The following SLC47A1 variants were observed in gnomAD, a reference collection of about 807,000 sequenced individuals.
The protein encoded by SLC47A1 is solute carrier family 47 member 1.
Under a neutral mutation model 65.8 loss-of-function variants are expected in SLC47A1, and 58 were observed. The ratio of observed to expected loss-of-function variants is 0.88; its 90% CI spans 0.71 to 1.10. The LOEUF is 1.10. SLC47A1 is among the 50% of genes least tolerant of loss of function. The pLI is 0.00. For missense variants in SLC47A1, 706 were observed against 719.2 expected (o/e 0.98, Z 0.21); for synonymous variants, 285 against 295.0 (o/e 0.97, Z 0.35).
chr17:19,572,935 C>G, intron 16 of SLC47A1, 74 bp downstream of exon 16: 1 of 1,268,228 alleles, frequency 7.9e-7, no homozygotes, highest in Non-Finnish European at 1.2e-6. Flanking sequence ...TGAGACACAG[C>G]TAGATTTGCT....
Position 19,533,889 on chromosome 17 carries a change from G to A in SLC47A1, c.-51G>A. ...TGCGCGGTACTCACTGCCGGCCTCC[G>A]CGGTACCCACTGCCGGCCTCCGCGC... On this transcript the variant is annotated 5_prime_UTR_variant, in exon 1 of 17. Coordinates refer to ENST00000270570, the MANE Select transcript of SLC47A1 (RefSeq NM_018242.3). The A allele has an allele frequency of 7.0e-7, 1 of 1,437,298 alleles. No homozygotes were observed. The highest frequency in any genetic ancestry group is 9.1e-7 in the Non-Finnish European group (1 of 1,099,228). The allele number at this position is 1,437,298 out of a possible 1,614,324, so 89.0% of individuals were successfully genotyped here.
chr17:19,567,304 T>A, intron 14 of SLC47A1, 76 bp downstream of exon 14: 1 of 1,594,398 alleles, frequency 6.3e-7, no homozygotes, highest in Non-Finnish European at 8.6e-7. Flanking sequence ...CACGGGTCTT[T>A]GACTGAGGCT....
chr17:19,556,083 T>C, intron 10 of SLC47A1, 21 bp downstream of exon 10: 2 of 1,613,018 alleles, frequency 1.2e-6, no homozygotes, highest in Middle Eastern at 1.9e-4. Context: ...GAGCCGATCA[T>C]GGGGAGGTGC....
chr17:19,558,807 C>T (rs1159579567), intron 10 of SLC47A1, among the ~76,000 whole-genome samples: 3 of 152,090 alleles, frequency 2.0e-5, no homozygotes, highest in Non-Finnish European at 4.4e-5. Flanking sequence ...AAGTTACTAC[C>T]TTTCCCTTTG....
chr17:19,565,796 T>C (rs1036819481), intron 12 of SLC47A1, among the ~76,000 whole-genome samples: 8 of 152,020 alleles, frequency 5.3e-5, no homozygotes, highest in Non-Finnish European at 7.4e-5. Flanking sequence ...TTAGCCAGGA[T>C]GGTCTCGATC....
intron 6 of SLC47A1, 124 bp downstream of exon 6, chr17:19,551,592 C>A: frequency 2.5e-6 from 2 of 797,610 alleles, no homozygotes; most frequent in South Asian, 1.5e-5. Context: ...TGCTGGGAGC[C>A]ACTGAAAGAT....
chr17:19,557,401 A>G lies in SLC47A1; in HGVS notation c.921+1339A>G, dbSNP rs557170198. The G allele has an allele frequency of 1.3e-4, 36 of 273,348 alleles. No individual in the cohort carries two copies. In the East Asian group the frequency reaches 2.1e-3, roughly 16 times the overall value. The allele number at this position is 273,348 out of a possible 1,614,324, so 16.9% of individuals were successfully genotyped here. A position where few individuals can be genotyped will look rare whatever the true frequency, so the allele number is the denominator to read the frequency against. On this transcript the variant is annotated intron_variant, in intron 10 of 16. Coordinates refer to ENST00000270570, the MANE Select transcript of SLC47A1 (RefSeq NM_018242.3). ...TCTAAGTCAAAATGCTTAATGGTAT[A>G]TAGGATTCCACTATATGTGATATAC...
chr17:19,534,286 C>T (rs1270195658), intron 1 of SLC47A1: 2 of 568,478 alleles, frequency 3.5e-6, no homozygotes, highest in Non-Finnish European at 5.6e-6. Flanking sequence ...GACTGGGGGC[C>T]CCGCGGGGCA....
rs80090130 is a variant in SLC47A1, at chr17:19,534,143, G to A, written c.135+69G>A. On this transcript the variant is annotated intron_variant, in intron 1 of 16. Transcript: ENST00000270570. The stretch of plus-strand genomic sequence containing the variant: ...GGGACCTGGTGATTTCTGCCTCCGC[G>A]GGTGACTTTGGCGGGCTTTGGGGAC... The A allele has an allele frequency of 2.4e-4, 341 of 1,427,382 alleles. 1 individual carries two copies. In the Middle Eastern group the frequency reaches 4.5e-3, roughly 19 times the overall value. The allele number at this position is 1,427,382 out of a possible 1,614,324, so 88.4% of individuals were successfully genotyped here. A position where few individuals can be genotyped will look rare whatever the true frequency, so the allele number is the denominator to read the frequency against.
intron 1 of SLC47A1, among the ~76,000 whole-genome samples, chr17:19,536,406 A>G (rs1000702530): frequency 1.3e-5 from 2 of 152,088 alleles, no homozygotes; most frequent in African/African-American, 4.8e-5. Context: ...TTCTCTTTGT[A>G]TGTACATATA....
Position 19,540,619 on chromosome 17 carries a change from C to A in SLC47A1, c.136-1774C>A, listed in dbSNP as rs112583721. Among the ~76,000 whole-genome samples, 668 of 152,294 alleles carry A rather than the reference C, an allele frequency of 4.4e-3. 9 individuals carry two copies. The highest frequency in any genetic ancestry group is 0.029 in the East Asian group (148 of 5,178). The stretch of plus-strand genomic sequence containing the variant: ...TCCATTGGCTCTAGGTTTAGATTCT[C>A]CAGCATCTGGTTCTTCATGTCAGCC... On this transcript the variant is annotated intron_variant, in intron 1 of 16. Coordinates refer to ENST00000270570, the MANE Select transcript of SLC47A1 (RefSeq NM_018242.3).
intron 10 of SLC47A1, 162 bp from the exon 11 acceptor site, chr17:19,560,026 G>T (rs952410801): frequency 1.7e-6 from 1 of 596,528 alleles, no homozygotes; most frequent in Non-Finnish European, 3.0e-6. Flanking sequence ...CCACAGTAGC[G>T]TGGGAGTTCC....
At chr17:19,568,787 C>T (rs556435874) in intron 14 of SLC47A1, among the ~76,000 whole-genome samples, 1 of 152,166 alleles carries the variant, frequency 6.6e-6, no homozygotes, top group Admixed American at 6.5e-5. Context: ...TTAACAACTC[C>T]CCATTCCCAT....
intron 12 of SLC47A1, among the ~76,000 whole-genome samples, chr17:19,563,128 CTTTTT>C (rs572651224): frequency 6.2e-4 from 51 of 82,630 alleles, no homozygotes; most frequent in African/African-American, 1.5e-3. Context: ...TAAGAGAAAG[CTTTTT>C]TTTTTTTTTT....
In SLC47A1 at chr17:19,551,700, A is replaced by G. The variant is rs550917148; in HGVS notation, c.543+232A>G. Among the ~76,000 whole-genome samples, 8 of 152,322 alleles carry G rather than the reference A, an allele frequency of 5.3e-5. No individual in the cohort carries two copies. In the South Asian group the frequency reaches 1.7e-3, roughly 32 times the overall value. ...TTATATTTGGCTCTGGAAAACTCTT[A>G]TCCAATTCCCACTTGGAAATATTGT... On this transcript the variant is annotated intron_variant, in intron 6 of 16. Transcript: ENST00000270570.
In SLC47A1 at chr17:19,534,112, G is replaced by A. The variant is rs201320336; in HGVS notation, c.135+38G>A. 6.0e-4 allele frequency: 889 copies of A among 1,488,824 alleles called. 9 individuals carry two copies. In the African/African-American group the frequency reaches 0.01, roughly 17 times the overall value. 92.2% of individuals were successfully genotyped at this position (1,488,824 alleles called of 1,614,324 possible). ...GCCTCAGTGGCAGGCCGGTACCGGC[G>A]GGCTGGGGACCTGGTGATTTCTGCC... On this transcript the variant is annotated intron_variant, in intron 1 of 16. Coordinates refer to ENST00000270570, the MANE Select transcript of SLC47A1 (RefSeq NM_018242.3).
At chr17:19,552,034 G>A (rs969148922) in intron 6 of SLC47A1, among the ~76,000 whole-genome samples, 1 of 152,232 alleles carries the variant, frequency 6.6e-6, no homozygotes, top group African/African-American at 2.4e-5. Flanking sequence ...GCATATGTGG[G>A]ACTCTCTACA....
chr17:19,546,152 G>A (rs1916285444), intron 2 of SLC47A1, among the ~76,000 whole-genome samples: 1 of 152,098 alleles, frequency 6.6e-6, no homozygotes, highest in Non-Finnish European at 1.5e-5. Flanking sequence ...CCCAGGAGGT[G>A]GAGGTTGCAG....
At chr17:19,541,382 T>C (rs1482655384) in intron 1 of SLC47A1, among the ~76,000 whole-genome samples, 3 of 152,162 alleles carry the variant, frequency 2.0e-5, no homozygotes, top group African/African-American at 7.2e-5. Context: ...CCAAGAGAGA[T>C]ACTGGACCGC....
Sources: allele counts gnomAD v4.1 joint callset (sites outside exome capture counted in the v4.1 genomes callset), GRCh38; gene constraint gnomAD v4.1.1; transcripts MANE v1.5; gene names NCBI Gene and HGNC (gene_info 2026-07-23, HGNC 2026-07-21).